The following TFB1M variants were observed in gnomAD, a reference collection of about 807,000 sequenced individuals.
TFB1M encodes the protein transcription factor B1, mitochondrial.
In TFB1M, 27 loss-of-function variants were observed where a neutral mutation model predicts 31.1. That is an observed-to-expected ratio of 0.87 (90% CI 0.64 to 1.20). The LOEUF (loss-of-function observed/expected upper bound fraction) is 1.20. Ranked by LOEUF, TFB1M falls within the 50% of genes most tolerant of loss-of-function variation. The pLI, the probability that TFB1M is intolerant of heterozygous loss-of-function variation, is 0.00. For missense variants in TFB1M, 394 were observed against 418.7 expected (o/e 0.94, Z 0.51); for synonymous variants, 166 against 151.8 (o/e 1.09, Z -0.69).
At chr6:155,244,103 G>A in the TFB1M span, 1 of 1,603,230 alleles carries the variant, frequency 6.2e-7, no homozygotes, top group Non-Finnish European at 8.5e-7. Flanking sequence ...CCTTCCTTCT[G>A]TCCAGTGATC....
At chr6:155,254,543 A>C (rs766970490), downstream of TFB1M, 17 of 1,613,498 alleles carry the variant, frequency 1.1e-5, no homozygotes, top group Non-Finnish European at 1.4e-5. Context: ...GGTACCTCTT[A>C]AGAACCGAGT....
chr6:155,258,729 T>C (rs1012320612), intron 6 of TFB1M, among the ~76,000 whole-genome samples: 3 of 152,214 alleles, frequency 2.0e-5, no homozygotes, highest in Admixed American at 6.5e-5. Flanking sequence ...TCTTCAAGTC[T>C]CAGGGCTCTT....
At chr6:155,295,797 T>C (rs563625235) in intron 4 of TFB1M, among the ~76,000 whole-genome samples, 1 of 152,344 alleles carries the variant, frequency 6.6e-6, no homozygotes, top group African/African-American at 2.4e-5. Flanking sequence ...TAATACAGTG[T>C]AACAACTATT....
rs554172957 is a variant in TFB1M at position 155,304,391 on chromosome 6, A to C, written c.286-5806T>G. On this transcript the variant is annotated intron_variant, in intron 2 of 6. Transcript: ENST00000367166. Reference sequence around the variant, plus strand: ...CCACATAATTTAATGGTTAAGAAGAATCCTGAAACTTCCTACTCCGACAAA... The same window carrying C: ...CCACATAATTTAATGGTTAAGAAGACTCCTGAAACTTCCTACTCCGACAAA... 2.6e-5 allele frequency among the ~76,000 whole-genome samples: 4 copies of C among 152,344 alleles called. No homozygotes were observed. In the East Asian group the frequency reaches 7.7e-4, roughly 29 times the overall value.
chr6:155,283,973 A>C (rs1306373318), intron 5 of TFB1M, among the ~76,000 whole-genome samples: 2 of 152,202 alleles, frequency 1.3e-5, no homozygotes, highest in Non-Finnish European at 2.9e-5. Flanking sequence ...TCTTGGATCT[A>C]ATTATTCTAG....
chr6:155,250,928 A>T, the TFB1M span: 1 of 1,614,128 alleles, frequency 6.2e-7, no homozygotes, highest in East Asian at 2.2e-5. Context: ...AGAACTTTCG[A>T]TGGGAGAGCT....
intron 4 of TFB1M, among the ~76,000 whole-genome samples, chr6:155,290,388 CAAAAAAAAA>C (rs1189869721): frequency 9.3e-6 from 1 of 107,562 alleles, no homozygotes; most frequent in East Asian, 2.4e-4. Context: ...GACTCGGCCT[CAAAAAAAAA>C]AAAAAAAAAA....
At chr6:155,232,092 CAAAAACAAAAA>C in the TFB1M span, among the ~76,000 whole-genome samples, 2 of 130,006 alleles carry the variant, frequency 1.5e-5, no homozygotes, top group Non-Finnish European at 3.2e-5. Flanking sequence ...AAAACAAAAA[CAAAAACAAAAA>C]AAAACAAAAA....
chr6:155,261,364 T>G (rs1784385848), intron 5 of TFB1M, among the ~76,000 whole-genome samples: 2 of 152,246 alleles, frequency 1.3e-5, no homozygotes, highest in Admixed American at 6.5e-5. Flanking sequence ...AGGTGTGGGC[T>G]GCACCACTGC....
intron 2 of TFB1M, among the ~76,000 whole-genome samples, chr6:155,310,325 G>C (rs1264852311): frequency 6.6e-6 from 1 of 152,164 alleles, no homozygotes; most frequent in Non-Finnish European, 1.5e-5. Flanking sequence ...GACATTAAGT[G>C]TTCCCCTATG....
intron 4 of TFB1M, among the ~76,000 whole-genome samples, chr6:155,293,033 G>A (rs1777006010): frequency 6.6e-6 from 1 of 151,868 alleles, no homozygotes; most frequent in African/African-American, 2.4e-5. Context: ...GGTAACATAG[G>A]GAGCTATGTT....
chr6:155,287,756 A>C (rs1776732343), intron 4 of TFB1M, among the ~76,000 whole-genome samples: 1 of 152,200 alleles, frequency 6.6e-6, no homozygotes, highest in African/African-American at 2.4e-5. Context: ...AATATATTAA[A>C]ATTGAACAGA....
rs777258213 is a variant in TFB1M, at chr6:155,285,141, A to G, written c.666+17T>C. On this transcript the variant is annotated intron_variant, in intron 5 of 6. Coordinates refer to ENST00000367166, the MANE Select transcript of TFB1M (RefSeq NM_016020.4). ...GTCCTAATTCCGATATACTACAACA[A>G]ATAAGCAGAAACTTACCTCTGGTTT... 49 of 1,613,564 alleles carry G rather than the reference A, an allele frequency of 3.0e-5. No individual in the cohort carries two copies. The highest frequency in any genetic ancestry group is 4.2e-5 in the Non-Finnish European group (49 of 1,179,680).
At chr6:155,277,334 T>C (rs1309529121) in intron 5 of TFB1M, among the ~76,000 whole-genome samples, 1 of 152,238 alleles carries the variant, frequency 6.6e-6, no homozygotes, top group African/African-American at 2.4e-5. Flanking sequence ...AATGTCAAAA[T>C]ATATTTTAAA....
At chr6:155,304,458 C>T (rs899687013) in intron 2 of TFB1M, among the ~76,000 whole-genome samples, 1 of 151,930 alleles carries the variant, frequency 6.6e-6, no homozygotes, top group African/African-American at 2.4e-5. Flanking sequence ...TACCTTAAAC[C>T]AATTTAAAAA....
At chr6:155,279,256 T>C (rs549458716) in intron 5 of TFB1M, among the ~76,000 whole-genome samples, 7 of 151,448 alleles carry the variant, frequency 4.6e-5, no homozygotes, top group Admixed American at 3.3e-4. Flanking sequence ...TATCTATACA[T>C]ATGACTGAAG....
Position 155,304,424 on chromosome 6 carries a change from T to A in TFB1M, c.286-5839A>T, listed in dbSNP as rs149814629. ...ACTTCCTACTCCGACAAAGATGGAG[T>A]CTAAGGGACCAGGCATATTCTCCTA... On this transcript the variant is annotated intron_variant, in intron 2 of 6. Transcript: ENST00000367166. 7.4e-3 allele frequency among the ~76,000 whole-genome samples: 1,119 copies of A among 151,824 alleles called. 12 individuals carry two copies. Among genetic ancestry groups the A allele is most frequent in the African/African-American group, 0.026 (1,064 of 41,368 alleles).
the TFB1M span, among the ~76,000 whole-genome samples, chr6:155,231,405 A>G: frequency 6.6e-6 from 1 of 152,346 alleles, no homozygotes; most frequent in South Asian, 2.1e-4. Context: ...TGATAAATAT[A>G]AAAATTTCAT....
the TFB1M span, among the ~76,000 whole-genome samples, chr6:155,249,285 A>T: frequency 6.6e-6 from 1 of 152,198 alleles, no homozygotes; most frequent in Non-Finnish European, 1.5e-5. Flanking sequence ...AAATGCAAAC[A>T]ATTGTTCTGT....
Sources: allele counts gnomAD v4.1 joint callset (sites outside exome capture counted in the v4.1 genomes callset), GRCh38; gene constraint gnomAD v4.1.1; transcripts MANE v1.5; gene names NCBI Gene and HGNC (gene_info 2026-07-23, HGNC 2026-07-21).